The following MECR variants were observed in gnomAD, a reference collection of about 807,000 sequenced individuals.
MECR encodes the protein enoyl-[acyl-carrier-protein] reductase, mitochondrial.
Under a neutral mutation model 49.1 loss-of-function variants are expected in MECR, and 37 were observed. The observed-to-expected ratio is 0.75, with a 90% CI of 0.58 to 0.99. MECR has a LOEUF of 0.99. Ranked by LOEUF, MECR falls within the 50% of genes least tolerant of loss-of-function variation. The probability of loss-of-function intolerance (pLI) is 0.00; values close to 1 mark genes in which losing one functional copy is unlikely to be tolerated. For missense variants in MECR, 470 were observed against 479.6 expected, an observed-to-expected ratio of 0.98 and a Z score of 0.19; for synonymous variants, 198 against 191.1, an observed-to-expected ratio of 1.04 and a Z score of -0.30.
chr1:29,207,093 T>C (rs957698541), intron 3 of MECR, among the ~76,000 whole-genome samples, 188 bp from the exon 4 acceptor site: 1 of 152,132 alleles, frequency 6.6e-6, no homozygotes. Context: ...TGAGTCCTCA[T>C]GATAATTATG....
the MECR span, among the ~76,000 whole-genome samples, chr1:29,178,638 C>CT: frequency 6.6e-6 from 1 of 152,152 alleles, no homozygotes; most frequent in Admixed American, 6.5e-5. Flanking sequence ...TTACAGGCCA[C>CT]CGCGCCCGGC....
intron 5 of MECR, among the ~76,000 whole-genome samples, chr1:29,202,597 G>T (rs1316270723): frequency 6.6e-6 from 1 of 152,174 alleles, no homozygotes; most frequent in East Asian, 1.9e-4. Context: ...AGTAAGTGAG[G>T]AAACCGAGTC....
chr1:29,176,043 G>A, the MECR span, among the ~76,000 whole-genome samples: 4 of 151,966 alleles, frequency 2.6e-5, no homozygotes, highest in Non-Finnish European at 4.4e-5. Context: ...ATGAGGTCAG[G>A]AGATCAAGAC....
At chr1:29,216,860 C>T (rs1204196930) in intron 1 of MECR, 175 bp from the exon 2 acceptor site, 14 of 1,392,006 alleles carry the variant, frequency 1.0e-5, no homozygotes, top group South Asian at 8.8e-5. Flanking sequence ...GGAGGCTGGG[C>T]GTGGTGGCTC....
At chr1:29,172,138 G>A in the MECR span, 76 of 151,992 alleles carry the variant, frequency 5.0e-4, no homozygotes, top group African/African-American at 1.7e-3. Flanking sequence ...TTTAAAAAGT[G>A]ACTTTTAATA....
At chr1:29,205,749 G>A (rs1676420476) in intron 4 of MECR, among the ~76,000 whole-genome samples, 1 of 152,056 alleles carries the variant, frequency 6.6e-6, no homozygotes, top group Admixed American at 6.5e-5. Context: ...AGAATCCCTT[G>A]AACCCGAGAG....
chr1:29,226,838 T>C (rs1682189994), intron 1 of MECR, among the ~76,000 whole-genome samples: 1 of 151,866 alleles, frequency 6.6e-6, no homozygotes, highest in East Asian at 1.9e-4. Context: ...ATACAGCAGG[T>C]ATACAATAAA....
intron 4 of MECR, among the ~76,000 whole-genome samples, chr1:29,204,499 C>T (rs1474679087): frequency 6.6e-6 from 1 of 151,896 alleles, no homozygotes; most frequent in Non-Finnish European, 1.5e-5. Context: ...TAAAAAATAA[C>T]AGAGTATGTC....
At position 29,201,353 on chromosome 1, in the gene MECR, G is replaced by A. The variant is rs775577109; in HGVS notation, c.756+590C>T. On this transcript the variant is annotated intron_variant, in intron 6 of 9. Transcript: ENST00000263702. This position sits in a 1 kb window ranked among gnomAD's most constrained non-coding sequence, Gnocchi z 4.3. ...CCTCCAGATGGTTCAGTGAAAAGGG[G>A]CTGAGGGTCTGGTCACTTACTAGGC... The A allele has an allele frequency of 5.7e-6, 3 of 529,814 alleles. No individual in the cohort carries two copies. In the Admixed American group the frequency reaches 5.9e-5, roughly 10 times the overall value. The allele number at this position is 529,814 out of a possible 1,614,324, so 32.8% of individuals were successfully genotyped here.
At chr1:29,184,003 A>C in the MECR span, among the ~76,000 whole-genome samples, 1,546 of 149,678 alleles carry the variant, frequency 0.01, 16 homozygotes, top group Middle Eastern at 0.057. Flanking sequence ...CTCAGCCTCT[A>C]GAGTAGCTGG....
intron 3 of MECR, among the ~76,000 whole-genome samples, chr1:29,214,554 G>T (rs1678874238): frequency 6.6e-6 from 1 of 151,412 alleles, no homozygotes. Flanking sequence ...TAGAGACAGG[G>T]TTTCACCATG....
At chr1:29,206,581 A>G (rs1041141410) in intron 4 of MECR, among the ~76,000 whole-genome samples, 181 bp downstream of exon 4, 3 of 152,182 alleles carry the variant, frequency 2.0e-5, no homozygotes, top group African/African-American at 7.2e-5. Context: ...AGGTTTCAGC[A>G]TGTTTCCTAG....
Position 29,216,124 on chromosome 1 carries a change from A to G in MECR, c.287T>C (p.Phe96Ser), listed in dbSNP as rs144371520. ...TCCAACAGCAGGCAGTTCAGGAAGG[A>G]ATCCGTAGTTTCCTGAGGGAGAAGA... Reference protein sequence around the residue: ...DINMIQGNYGFLPELPAVGGN... With the variant: ...DINMIQGNYGSLPELPAVGGN... Residue 96 changes from phenylalanine to serine, a missense_variant, in exon 3 of 10, where the codon TTC becomes TCC. Phe to Ser is a radical substitution (Grantham distance 155). Coordinates refer to ENST00000263702, the MANE Select transcript of MECR (RefSeq NM_016011.5). 7.4e-4 allele frequency: 1,195 copies of G among 1,613,854 alleles called. 2 individuals are homozygous for G. The highest frequency in any genetic ancestry group is 9.3e-4 in the Non-Finnish European group (1,097 of 1,179,882).
chr1:29,189,641 G>C (rs912123428), downstream of MECR, among the ~76,000 whole-genome samples: 1 of 152,304 alleles, frequency 6.6e-6, no homozygotes. Context: ...ACCCCTGGTT[G>C]GTCTTTGACA....
At chr1:29,219,861 C>T (rs1046055803) in intron 1 of MECR, among the ~76,000 whole-genome samples, 16 of 152,288 alleles carry the variant, frequency 1.1e-4, no homozygotes, top group Admixed American at 2.0e-4. Context: ...CAGTTTCCAG[C>T]GCTTTCAGGA....
intron 3 of MECR, among the ~76,000 whole-genome samples, chr1:29,209,839 T>C (rs1234803093): frequency 1.3e-5 from 2 of 152,116 alleles, no homozygotes; most frequent in Admixed American, 6.6e-5. Flanking sequence ...TCCAAAGCTC[T>C]TGGGCATGCC....
chr1:29,197,892 T>C (rs930047997), intron 7 of MECR, among the ~76,000 whole-genome samples: 1 of 152,268 alleles, frequency 6.6e-6, no homozygotes, highest in African/African-American at 2.4e-5. Flanking sequence ...ATGAGAAAGC[T>C]GAAGTCCATC....
At chr1:29,230,707 C>T in intron 1 of MECR, 24 bp downstream of exon 1, 15 of 1,557,274 alleles carry the variant, frequency 9.6e-6, no homozygotes, top group Non-Finnish European at 1.3e-5. Flanking sequence ...AGTCCCCTTC[C>T]CCGGCTTCGG....
At chr1:29,199,250 C>T (rs775851158) in intron 7 of MECR, among the ~76,000 whole-genome samples, 67 of 152,290 alleles carry the variant, frequency 4.4e-4, no homozygotes, top group Non-Finnish European at 5.9e-4. Flanking sequence ...TTTTTTGAGA[C>T]GGAGTCTCCC....
Sources: allele counts gnomAD v4.1 joint callset (sites outside exome capture counted in the v4.1 genomes callset), GRCh38; gene constraint gnomAD v4.1.1; non-coding constraint Gnocchi (gnomAD v3.1); transcripts MANE v1.5; gene names NCBI Gene and HGNC (gene_info 2026-07-23, HGNC 2026-07-21).